The following FGF13 variants were observed in gnomAD, a reference collection of about 807,000 sequenced individuals.
The protein encoded by FGF13 is fibroblast growth factor homologous factor 2.
A neutral mutation model predicts 19.5 loss-of-function variants in FGF13; 2 were observed. The observed-to-expected ratio is 0.10, with a 90% CI of 0.04 to 0.32. The LOEUF (loss-of-function observed/expected upper bound fraction) is 0.32, where lower values mean the gene tolerates loss of function less well. FGF13 is among the 10% of genes least tolerant of loss of function. FGF13 has a pLI of 1.00. For synonymous variants in FGF13, 72 were observed against 76.9 expected (o/e 0.94, Z 0.33); for missense variants, 113 against 192.7 (o/e 0.59, Z 2.45).
chrX:138,754,556 A>G (rs2090419925), intron 3 of FGF13, among the ~76,000 whole-genome samples: 1 of 111,013 alleles, frequency 9.0e-6, no homozygotes, highest in Admixed American at 9.6e-5. Context: ...CAGTCTCAGG[A>G]CCTGAGACTT....
Position 139,169,616 on chromosome X carries a change from G to A in FGF13, c.-113+33800C>T, listed in dbSNP as rs183208762. Among the ~76,000 whole-genome samples the A allele has an allele frequency of 1.9e-3, 211 of 111,099 alleles. 3 individuals are homozygous for A. Among genetic ancestry groups the A allele is most frequent in the African/African-American group, 6.5e-3 (198 of 30,566 alleles). ...TAGGATTACAGGCATAAGCCACTGC[G>A]TCTGGCCCTGCTTTCTACCTAGAAC... On this transcript the variant is annotated intron_variant, in intron 1 of 2. Transcript: ENST00000421460.
chrX:138,874,665 T>G, intron 1 of FGF13, among the ~76,000 whole-genome samples: 1 of 112,016 alleles, frequency 8.9e-6, no homozygotes, highest in Non-Finnish European at 1.9e-5. Flanking sequence ...ATGGACTGAC[T>G]TACATGCAAA....
chrX:138,811,235 C>T (rs2090921807), intron 3 of FGF13, among the ~76,000 whole-genome samples: 1 of 111,479 alleles, frequency 9.0e-6, no homozygotes, highest in African/African-American at 3.3e-5. Context: ...GAAAATGTGG[C>T]ACATATACAC....
At chrX:138,721,483 T>G (rs919606869) in intron 1 of FGF13, among the ~76,000 whole-genome samples, 1 of 111,717 alleles carries the variant, frequency 9.0e-6, no homozygotes, top group Non-Finnish European at 1.9e-5. Flanking sequence ...CTATCAACTC[T>G]TTACTTATTG....
chrX:138,681,902 C>T (rs373694995), intron 3 of FGF13, among the ~76,000 whole-genome samples: 1 of 111,348 alleles, frequency 9.0e-6, no homozygotes, highest in African/African-American at 3.3e-5. Flanking sequence ...ATCTGTGGTG[C>T]CCCAAAACAA....
intron 3 of FGF13, among the ~76,000 whole-genome samples, chrX:138,788,825 A>C (rs1254720066): frequency 8.9e-6 from 1 of 111,974 alleles, no homozygotes; most frequent in Non-Finnish European, 1.9e-5. Flanking sequence ...AGAAATTTCC[A>C]AATCTTTAAG....
chrX:138,950,677 T>A (rs2091806554), intron 1 of FGF13, among the ~76,000 whole-genome samples: 1 of 112,275 alleles, frequency 8.9e-6, no homozygotes, highest in Admixed American at 9.5e-5. Context: ...TTTTCAATGA[T>A]AAAATTGTCC....
chrX:139,050,934 C>A (rs1017788608), intron 1 of FGF13, among the ~76,000 whole-genome samples: 2 of 111,997 alleles, frequency 1.8e-5, no homozygotes, highest in Non-Finnish European at 3.8e-5. Context: ...GTGTGAGAAG[C>A]ATTGCCTCAA....
chrX:139,142,033 C>G (rs1439038532), intron 1 of FGF13, among the ~76,000 whole-genome samples: 1 of 111,519 alleles, frequency 9.0e-6, no homozygotes, highest in Non-Finnish European at 1.9e-5. Context: ...TTGCCGGGCT[C>G]AAACACTTAA....
Position 138,711,345 on chromosome X carries a change from G to A in FGF13, c.-342C>T. The A allele has an allele frequency of 1.5e-6, 1 of 687,278 alleles. No homozygotes were observed. Among genetic ancestry groups the A allele is most frequent in the Non-Finnish European group, 1.8e-6 (1 of 562,988 alleles). The allele number at this position is 687,278 out of a possible 1,213,427, so 56.6% of individuals were successfully genotyped here. A position where few individuals can be genotyped will look rare whatever the true frequency, so the allele number is the denominator to read the frequency against. ...GGCCCCTGCGCCCGGCGGACACCGT[G>A]CATGTCCAGCTGCTCCGGTCCGAAT... On this transcript the variant is annotated 5_prime_UTR_variant, in exon 1 of 5. Coordinates refer to ENST00000315930, the MANE Select transcript of FGF13 (RefSeq NM_004114.5).
intron 1 of FGF13, among the ~76,000 whole-genome samples, chrX:139,022,842 C>T (rs952049083): frequency 1.8e-5 from 2 of 111,449 alleles, no homozygotes; most frequent in Non-Finnish European, 3.8e-5. Flanking sequence ...ATAGCACACT[C>T]TTCCAATGGG....
At chrX:139,162,869 G>A (rs751984579) in intron 1 of FGF13, among the ~76,000 whole-genome samples, 186 of 112,066 alleles carry the variant, frequency 1.7e-3, no homozygotes, top group African/African-American at 5.0e-3. Context: ...TTAGAATGGC[G>A]ATCATTAAAA....
chrX:138,921,971 C>CAAAAAA (rs35464038), intron 1 of FGF13, among the ~76,000 whole-genome samples: 8 of 67,393 alleles, frequency 1.2e-4, no homozygotes, highest in Non-Finnish European at 1.9e-4. Context: ...TTATGGAACT[C>CAAAAAA]AAAAAAAAAA....
chrX:139,170,659 C>T (rs1385031148), intron 1 of FGF13, among the ~76,000 whole-genome samples: 1 of 111,562 alleles, frequency 9.0e-6, no homozygotes. Context: ...CTCCAGCTTT[C>T]ACACCTTGGC....
chrX:138,915,899 TG>T (rs1208570607), intron 1 of FGF13, among the ~76,000 whole-genome samples: 2 of 112,311 alleles, frequency 1.8e-5, no homozygotes, highest in African/African-American at 6.5e-5. Flanking sequence ...TGAACTCTGT[TG>T]GCTTCTCTAA....
intron 3 of FGF13, among the ~76,000 whole-genome samples, chrX:138,809,488 C>T (rs1295456050): frequency 1.8e-5 from 2 of 111,780 alleles, no homozygotes. Context: ...CAGCCAATAT[C>T]ATACTGAATG....
At chrX:139,022,625 T>C (rs888815773) in intron 1 of FGF13, among the ~76,000 whole-genome samples, 1 of 111,036 alleles carries the variant, frequency 9.0e-6, no homozygotes, top group Non-Finnish European at 1.9e-5. Flanking sequence ...GTGAAATATA[T>C]TCAACCACAT....
intron 3 of FGF13, among the ~76,000 whole-genome samples, chrX:138,835,454 G>A (rs1184452188): frequency 8.9e-6 from 1 of 111,805 alleles, no homozygotes; most frequent in African/African-American, 3.3e-5. Context: ...GGTAAAGTCT[G>A]TTTTGTCAGA....
intron 1 of FGF13, among the ~76,000 whole-genome samples, chrX:138,880,655 C>T (rs996961358): frequency 1.3e-4 from 15 of 111,675 alleles, no homozygotes; most frequent in Admixed American, 9.5e-4. Context: ...ATGTGGAAAT[C>T]CAGTCGACTC....
Sources: gnomAD v4.1 joint callset for allele counts (sites outside exome capture counted in the v4.1 genomes callset) on GRCh38, gnomAD v4.1.1 for gene constraint, MANE v1.5 for transcripts, NCBI Gene and HGNC (gene_info 2026-07-23, HGNC 2026-07-21) for gene names.